The following ME3 variants were observed in gnomAD, a reference collection of about 807,000 sequenced individuals.
The protein encoded by ME3 is NADP-dependent malic enzyme, mitochondrial.
A neutral mutation model predicts 68.9 loss-of-function variants in ME3; 48 were observed. The observed-to-expected ratio is 0.70, with a 90% CI of 0.55 to 0.89. The LOEUF (loss-of-function observed/expected upper bound fraction) is 0.89. ME3 is among the 40% of genes least tolerant of loss of function. ME3 has a pLI of 0.00. For missense variants in ME3, 675 were observed against 797.4 expected (o/e 0.85, Z 1.85); for synonymous variants, 320 against 318.8 (o/e 1.00, Z -0.04).
intron 14 of ME3, 56 bp from the exon 15 acceptor site, chr11:86,441,496 G>A (rs887892367): frequency 3.3e-6 from 5 of 1,493,746 alleles, no homozygotes; most frequent in Non-Finnish European, 4.5e-6. Context: ...CCTGCTTAAG[G>A]ATCCTTGCTT....
chr11:86,526,302 G>A (rs1954740996), intron 4 of ME3, among the ~76,000 whole-genome samples: 1 of 152,234 alleles, frequency 6.6e-6, no homozygotes, highest in Non-Finnish European at 1.5e-5. Context: ...AAACTGCAAG[G>A]TGGCAGCGAG....
At chr11:86,501,028 T>A (rs1259704476) in intron 5 of ME3, among the ~76,000 whole-genome samples, 1 of 152,142 alleles carries the variant, frequency 6.6e-6, no homozygotes, top group Non-Finnish European at 1.5e-5. Flanking sequence ...AATGCACATT[T>A]TATCTCACAA....
chr11:86,461,486 G>A (rs977590965), intron 8 of ME3, among the ~76,000 whole-genome samples: 1 of 152,228 alleles, frequency 6.6e-6, no homozygotes, highest in African/African-American at 2.4e-5. Context: ...GTGCCCTTGT[G>A]GGAAGGAAGG....
intron 4 of ME3, among the ~76,000 whole-genome samples, chr11:86,511,011 G>T (rs1237405229): frequency 6.6e-6 from 1 of 152,098 alleles, no homozygotes; most frequent in Non-Finnish European, 1.5e-5. Flanking sequence ...ATCCTTGATG[G>T]TCTCCTCCCT....
chr11:86,553,505 C>T (rs2139427226), intron 4 of ME3, among the ~76,000 whole-genome samples: 1 of 152,286 alleles, frequency 6.6e-6, no homozygotes, highest in East Asian at 1.9e-4. Context: ...CTTTTATTTC[C>T]CCCAGGAGCA....
chr11:86,508,597 G>C (rs1372112429), intron 5 of ME3, among the ~76,000 whole-genome samples, 195 bp downstream of exon 5: 1 of 152,162 alleles, frequency 6.6e-6, no homozygotes, highest in Non-Finnish European at 1.5e-5. Flanking sequence ...AATGTCACAT[G>C]GATGCCTGGT....
chr11:86,575,987 A>G (rs867027849), intron 2 of ME3, among the ~76,000 whole-genome samples: 1 of 152,208 alleles, frequency 6.6e-6, no homozygotes, highest in African/African-American at 2.4e-5. Flanking sequence ...TGCAACTTCT[A>G]GTTTTGTGAT....
downstream of ME3, among the ~76,000 whole-genome samples, chr11:86,438,465 T>A (rs1287695304): frequency 2.6e-5 from 4 of 152,162 alleles, no homozygotes; most frequent in East Asian, 7.7e-4. Flanking sequence ...TTATCTGGCT[T>A]TGATATGGCA....
chr11:86,645,806 G>A (rs1372796758), intron 2 of ME3, among the ~76,000 whole-genome samples: 1 of 152,154 alleles, frequency 6.6e-6, no homozygotes, highest in African/African-American at 2.4e-5. Flanking sequence ...GAGAGCCCCA[G>A]CTGGCATCTG....
chr11:86,487,479 G>C (rs780241608), intron 6 of ME3, 39 bp from the exon 7 acceptor site: 3 of 1,536,360 alleles, frequency 2.0e-6, no homozygotes, highest in Non-Finnish European at 2.7e-6. Flanking sequence ...CCTACTCCCG[G>C]TGTTCCTGTT....
chr11:86,590,327 C>G (rs528235283), intron 2 of ME3, among the ~76,000 whole-genome samples: 1 of 152,270 alleles, frequency 6.6e-6, no homozygotes, highest in African/African-American at 2.4e-5. Context: ...TGTTAAGGAG[C>G]TCACATCCCA....
chr11:86,489,948 C>T (rs1951901424), intron 6 of ME3, among the ~76,000 whole-genome samples: 1 of 152,164 alleles, frequency 6.6e-6, no homozygotes, highest in East Asian at 1.9e-4. Flanking sequence ...GGTGAAGCAG[C>T]CTGCTTAAGA....
intron 4 of ME3, among the ~76,000 whole-genome samples, chr11:86,552,943 C>T (rs1275382906): frequency 1.3e-5 from 2 of 152,148 alleles, no homozygotes; most frequent in South Asian, 2.1e-4. Flanking sequence ...AGAGTATTCA[C>T]TGACACTGGA....
intron 4 of ME3, among the ~76,000 whole-genome samples, chr11:86,534,473 G>A (rs947235401): frequency 6.6e-6 from 1 of 151,948 alleles, no homozygotes; most frequent in Non-Finnish European, 1.5e-5. Context: ...TCAGGCATTC[G>A]AGACCAGCCT....
intron 13 of ME3, among the ~76,000 whole-genome samples, chr11:86,445,755 T>C (rs10501621): frequency 0.11 from 17,244 of 152,146 alleles, 1,559 homozygotes; most frequent in East Asian, 0.26. Context: ...AAGAACTCTT[T>C]TGTGCGCTTA....
At chr11:86,489,842 C>T (rs1253722752) in intron 6 of ME3, among the ~76,000 whole-genome samples, 1 of 152,128 alleles carries the variant, frequency 6.6e-6, no homozygotes, top group East Asian at 1.9e-4. Flanking sequence ...CAGGTGTCTC[C>T]CCAGTACCTT....
intron 2 of ME3, among the ~76,000 whole-genome samples, chr11:86,585,596 T>C (rs1698651611): frequency 6.6e-6 from 1 of 152,222 alleles, no homozygotes; most frequent in African/African-American, 2.4e-5. Context: ...AGTTTTACTT[T>C]ATATACATTG....
rs144753587 is a variant in ME3, at chr11:86,589,769, A to G, written c.184-29946T>C. On this transcript the variant is annotated intron_variant, in intron 2 of 14. Coordinates refer to ENST00000543262, the Ensembl canonical transcript of ME3. ...CTTCTGCTTTTGACCACTATTGGAA[A>G]ACGTTTCTGCATCTTATTCTGATGA... Among the ~76,000 whole-genome samples the G allele has an allele frequency of 2.6e-3, 402 of 152,344 alleles. 2 individuals are homozygous for G. The highest frequency in any genetic ancestry group is 9.4e-3 in the African/African-American group (389 of 41,572).
intron 2 of ME3, among the ~76,000 whole-genome samples, chr11:86,671,531 A>T (rs749686397): frequency 3.9e-5 from 6 of 152,268 alleles, no homozygotes; most frequent in Non-Finnish European, 1.5e-5. Context: ...CTGTGTTGTT[A>T]CTGCAGAAGA....
Sources: gnomAD v4.1 joint callset for allele counts (sites outside exome capture counted in the v4.1 genomes callset) on GRCh38, gnomAD v4.1.1 for gene constraint, MANE v1.5 for transcripts, NCBI Gene and HGNC (gene_info 2026-07-23, HGNC 2026-07-21) for gene names.